The following GCLC variants were observed in gnomAD, a reference collection of about 807,000 sequenced individuals.
GCLC encodes glutamate-cysteine ligase catalytic subunit.
In GCLC, 30 loss-of-function variants were observed where a neutral mutation model predicts 81.5. That is an observed-to-expected ratio of 0.37 (90% CI 0.28 to 0.50). The LOEUF (loss-of-function observed/expected upper bound fraction) is 0.50. GCLC is among the 20% of genes least tolerant of loss of function. The pLI is 0.96. For missense variants in GCLC, 556 were observed against 777.4 expected, an observed-to-expected ratio of 0.72 and a Z score of 3.39; for synonymous variants, 262 against 273.3, an observed-to-expected ratio of 0.96 and a Z score of 0.41.
At chr6:53,542,636 T>C (rs1229777512) in intron 1 of GCLC, among the ~76,000 whole-genome samples, 2 of 152,092 alleles carry the variant, frequency 1.3e-5, no homozygotes, top group East Asian at 1.9e-4. Context: ...GTGCTGCAAA[T>C]TTCCTGTTGA....
chr6:53,505,143 A>G (rs1764588805), intron 12 of GCLC: 1 of 458,844 alleles, frequency 2.2e-6, no homozygotes, highest in Non-Finnish European at 4.0e-6. Context: ...ATTGTAATCA[A>G]CCTGGGATTT....
Position 53,514,330 on chromosome 6 carries a change from C to G in GCLC, c.627G>C (p.Lys209Asn), listed in dbSNP as rs768246087. ...EKVVINVPIF[K>N]DKNTPSPFIE... ...TAAATGGAGATGGTGTATTCTTGTCCTTAAATACTGTATTATAAAAATACA... is the reference window on the plus strand; with the variant it reads ...TAAATGGAGATGGTGTATTCTTGTCGTTAAATACTGTATTATAAAAATACA... Residue 209 changes from lysine to asparagine, a missense_variant, in exon 6 of 16, where the codon AAG (lysine) becomes AAC (asparagine). Lys to Asn is a moderately conservative substitution (Grantham distance 94). Transcript: ENST00000650454. 5 of 1,593,270 alleles carry G rather than the reference C, an allele frequency of 3.1e-6. No homozygotes were observed. In the Admixed American group the frequency reaches 8.3e-5, roughly 27 times the overall value.
intron 1 of GCLC, among the ~76,000 whole-genome samples, chr6:53,544,282 A>G (rs1169125059): frequency 6.6e-6 from 1 of 152,210 alleles, no homozygotes; most frequent in Non-Finnish European, 1.5e-5. Context: ...CAAAAGAATG[A>G]ATGAACAAGA....
At chr6:53,499,884 G>C (rs1163903843) in intron 15 of GCLC, among the ~76,000 whole-genome samples, 161 bp downstream of exon 15, 1 of 152,148 alleles carries the variant, frequency 6.6e-6, no homozygotes, top group East Asian at 1.9e-4. Context: ...TCTAAATTAT[G>C]AGTGTCAAAG....
intron 1 of GCLC, among the ~76,000 whole-genome samples, chr6:53,530,529 C>G (rs1351910393): frequency 6.6e-6 from 1 of 152,230 alleles, no homozygotes; most frequent in Non-Finnish European, 1.5e-5. Context: ...TCGACACAGG[C>G]TGCATAACTA....
chr6:53,504,160 G>A (rs1764567486), intron 12 of GCLC, among the ~76,000 whole-genome samples: 1 of 152,090 alleles, frequency 6.6e-6, no homozygotes, highest in Non-Finnish European at 1.5e-5. Context: ...AACATAGTGA[G>A]ACCCTGTCTC....
chr6:53,505,865 T>G lies in GCLC; in HGVS notation c.1228A>C (p.Arg410=). The G allele has an allele frequency of 6.2e-7, 1 of 1,611,510 alleles. No individual in the cohort carries two copies. Among genetic ancestry groups the G allele is most frequent in the Non-Finnish European group, 8.5e-7 (1 of 1,177,640 alleles). The change falls in exon 11 of 16, where the codon AGA becomes CGA. Residue 410 remains arginine (R), a synonymous_variant. Coordinates refer to ENST00000650454, the MANE Select transcript of GCLC (RefSeq NM_001498.4). The part of the protein sequence containing the change: ...NIQSTNWQTM[R]FKPPPPNSDI... ...GAGTTTGGAGGAGGGGGCTTAAATC[T>G]CATTGTCTGCCAATTTGTGGACTGA...
intron 1 of GCLC, among the ~76,000 whole-genome samples, chr6:53,525,904 A>G (rs998662048): frequency 2.0e-5 from 3 of 152,166 alleles, no homozygotes; most frequent in Non-Finnish European, 4.4e-5. Context: ...AGACCCAATA[A>G]AAAAATGCCT....
At chr6:53,515,882 G>A (rs1413105325) in intron 4 of GCLC, among the ~76,000 whole-genome samples, 9 of 152,060 alleles carry the variant, frequency 5.9e-5, no homozygotes. Context: ...ACTTTGTGAC[G>A]ACTTGGAGAA....
chr6:53,512,471 T>C (rs1764773099), intron 6 of GCLC, among the ~76,000 whole-genome samples: 1 of 152,120 alleles, frequency 6.6e-6, no homozygotes, highest in African/African-American at 2.4e-5. Flanking sequence ...GATAATTTAA[T>C]ACATTCATAT....
rs576043714 is a variant in GCLC at position 53,543,503 on chromosome 6, G to A, written c.150+993C>T. Among the ~76,000 whole-genome samples, 38 of 150,938 alleles carry A rather than the reference G, an allele frequency of 2.5e-4. No individual in the cohort carries two copies. In the South Asian group the frequency reaches 6.7e-3, roughly 27 times the overall value. On this transcript the variant is annotated intron_variant, in intron 1 of 15. Coordinates refer to ENST00000650454, the MANE Select transcript of GCLC (RefSeq NM_001498.4). ...ATATTCTGCACTGGTGTAACAGCAC[G>A]TCAGCACTTAGGCCAAGATTGATAA...
chr6:53,509,122 G>A, intron 7 of GCLC, 54 bp downstream of exon 7: 2 of 1,077,940 alleles, frequency 1.9e-6, no homozygotes, highest in Admixed American at 1.7e-5. Context: ...TTCTGCACAT[G>A]CTATCTTATT....
intron 1 of GCLC, among the ~76,000 whole-genome samples, chr6:53,533,209 C>T (rs1409863642): frequency 6.6e-6 from 1 of 152,122 alleles, no homozygotes; most frequent in Non-Finnish European, 1.5e-5. Context: ...ATATGCTGTC[C>T]CAGTGCAGGC....
chr6:53,539,374 T>C (rs1486990320), intron 1 of GCLC, among the ~76,000 whole-genome samples: 2 of 152,170 alleles, frequency 1.3e-5, no homozygotes, highest in Non-Finnish European at 2.9e-5. Flanking sequence ...CAGGCATCTG[T>C]AGGCTGATCT....
intron 1 of GCLC, among the ~76,000 whole-genome samples, chr6:53,533,682 A>G (rs1289768910): frequency 6.6e-6 from 1 of 152,208 alleles, no homozygotes; most frequent in Non-Finnish European, 1.5e-5. Context: ...AATACAACTA[A>G]AAGAATCTAT....
rs1764609225 is a variant in GCLC at position 53,506,090 on chromosome 6, A to C, written c.1198-195T>G. The C allele has an allele frequency of 1.8e-6, 1 of 567,696 alleles. No homozygotes were observed. The allele number at this position is 567,696 out of a possible 1,614,324, so 35.2% of individuals were successfully genotyped here. On this transcript the variant is annotated intron_variant, in intron 10 of 15. Coordinates refer to ENST00000650454, the MANE Select transcript of GCLC (RefSeq NM_001498.4). The surrounding 1 kb of genome is among the most constrained non-coding windows in gnomAD (Gnocchi z 4.0). ...AAAACAAAACAGCCAAGTGTTTAACAAAAGCTATGAGGCCCTATCACTGCA... is the reference window on the plus strand; with the variant it reads ...AAAACAAAACAGCCAAGTGTTTAACCAAAGCTATGAGGCCCTATCACTGCA...
intron 4 of GCLC, among the ~76,000 whole-genome samples, chr6:53,515,748 G>A (rs1764858166): frequency 6.6e-6 from 1 of 150,820 alleles, no homozygotes; most frequent in South Asian, 2.1e-4. Flanking sequence ...AGATACTGAT[G>A]GTTAGAGAGG....
chr6:53,498,826 C>CA lies in GCLC; in HGVS notation c.1843dup (p.Cys615LeufsTer10). On this transcript the variant is annotated frameshift_variant, in exon 16 of 16. Coordinates refer to ENST00000650454, the MANE Select transcript of GCLC (RefSeq NM_001498.4). LOFTEE classifies it high-confidence loss of function. Reference sequence around the variant, plus strand: ...AAATGCTGATCCAAGTAACTCTGGGCATTCACATAATTCATTTGCAATTTG... The same window carrying CA: ...AAATGCTGATCCAAGTAACTCTGGGCAATTCACATAATTCATTTGCAATTTG... 1.9e-6 allele frequency: 3 copies of CA among 1,613,426 alleles called. No individual in the cohort carries two copies. Among genetic ancestry groups the CA allele is most frequent in the Non-Finnish European group, 2.5e-6 (3 of 1,179,392 alleles).
intron 1 of GCLC, among the ~76,000 whole-genome samples, chr6:53,526,303 T>C (rs1763079728): frequency 6.6e-6 from 1 of 152,230 alleles, no homozygotes; most frequent in South Asian, 2.1e-4. Flanking sequence ...ACTGAGGCGA[T>C]GTAAGTACTC....
Sources: allele counts gnomAD v4.1 joint callset (sites outside exome capture counted in the v4.1 genomes callset), GRCh38; gene constraint gnomAD v4.1.1; non-coding constraint Gnocchi (gnomAD v3.1); transcripts MANE v1.5; gene names NCBI Gene and HGNC (gene_info 2026-07-23, HGNC 2026-07-21).